The following MTPN variants were observed in gnomAD, a reference collection of about 807,000 sequenced individuals.
MTPN encodes the protein granule cell differentiation protein.
Under a neutral mutation model 13.5 loss-of-function variants are expected in MTPN, and 2 were observed. The observed-to-expected ratio is 0.15, with a 90% CI of 0.06 to 0.47. The LOEUF is 0.47. MTPN is among the 20% of genes least tolerant of loss of function. MTPN has a pLI of 0.97. For synonymous variants in MTPN, 46 were observed against 51.7 expected, an observed-to-expected ratio of 0.89 and a Z score of 0.48; for missense variants, 79 against 137.9, an observed-to-expected ratio of 0.57 and a Z score of 2.14.
intron 3 of MTPN, among the ~76,000 whole-genome samples, chr7:135,947,557 C>G (rs1042880574): frequency 6.6e-6 from 1 of 152,092 alleles, no homozygotes; most frequent in African/African-American, 2.4e-5. Context: ...ACATTTTTCT[C>G]ATTTACCAGC....
chr7:135,927,183 G>T lies in MTPN; in HGVS notation c.*2743C>A. On this transcript the variant is annotated 3_prime_UTR_variant, in exon 4 of 4. Coordinates refer to ENST00000393085, the MANE Select transcript of MTPN (RefSeq NM_145808.4). Reference sequence around the variant, plus strand: ...CATACAGATTTAAAATCCAGTACTTGGGAAAAGATATCAATGAATAAAAGG... The same window carrying T: ...CATACAGATTTAAAATCCAGTACTTTGGAAAAGATATCAATGAATAAAAGG... The T allele has an allele frequency of 1.1e-6, 1 of 948,630 alleles. No individual in the cohort carries two copies. The highest frequency in any genetic ancestry group is 1.5e-6 in the Non-Finnish European group (1 of 667,936). 58.8% of individuals were successfully genotyped at this position (948,630 alleles called of 1,614,324 possible).
At chr7:135,967,548 G>A (rs1799624648) in intron 1 of MTPN, among the ~76,000 whole-genome samples, 1 of 152,120 alleles carries the variant, frequency 6.6e-6, no homozygotes, top group Non-Finnish European at 1.5e-5. Flanking sequence ...CTATGATACT[G>A]GTCAAGGGCT....
intron 1 of MTPN, among the ~76,000 whole-genome samples, chr7:135,957,504 A>C (rs1310262681): frequency 6.7e-6 from 1 of 150,148 alleles, no homozygotes; most frequent in East Asian, 2.0e-4. Flanking sequence ...AAAAAATTGG[A>C]AAGAAAAAAA....
chr7:135,933,806 C>G (rs1272055361), intron 3 of MTPN, among the ~76,000 whole-genome samples: 1 of 152,034 alleles, frequency 6.6e-6, no homozygotes, highest in East Asian at 1.9e-4. Flanking sequence ...ACTATAATTC[C>G]CAATGTTGGA....
intron 2 of MTPN, 83 bp downstream of exon 2, chr7:135,951,434 G>C (rs1457103065): frequency 3.0e-6 from 2 of 673,916 alleles, no homozygotes; most frequent in Non-Finnish European, 4.6e-6. Context: ...TCTACAAATA[G>C]CTATTTTATA....
chr7:135,976,439 T>C (rs1348244608), intron 1 of MTPN, among the ~76,000 whole-genome samples: 2 of 152,196 alleles, frequency 1.3e-5, no homozygotes. Flanking sequence ...AAATATGTAT[T>C]TGTTGTGGTG....
chr7:135,963,350 CTT>C, intron 1 of MTPN, among the ~76,000 whole-genome samples: 1 of 152,044 alleles, frequency 6.6e-6, no homozygotes, highest in Non-Finnish European at 1.5e-5. Flanking sequence ...TAGGATATAA[CTT>C]TGCAAAAAAG....
chr7:135,967,761 T>G (rs1246557468), intron 1 of MTPN, among the ~76,000 whole-genome samples: 1 of 152,146 alleles, frequency 6.6e-6, no homozygotes, highest in Non-Finnish European at 1.5e-5. Flanking sequence ...TTTCACCAAT[T>G]GAAGAAACTC....
intron 1 of MTPN, among the ~76,000 whole-genome samples, chr7:135,974,342 G>A (rs1799741541): frequency 6.6e-6 from 1 of 152,168 alleles, no homozygotes; most frequent in African/African-American, 2.4e-5. Flanking sequence ...CTAGGAGTTT[G>A]AGACCAGCCT....
intron 3 of MTPN, among the ~76,000 whole-genome samples, chr7:135,947,089 C>T (rs1328221336): frequency 6.6e-6 from 1 of 152,108 alleles, no homozygotes; most frequent in African/African-American, 2.4e-5. Flanking sequence ...TTGGTTCTAG[C>T]TTATTTTTTA....
chr7:135,937,185 T>A (rs1465797011), intron 3 of MTPN, among the ~76,000 whole-genome samples: 1 of 152,210 alleles, frequency 6.6e-6, no homozygotes, highest in African/African-American at 2.4e-5. Flanking sequence ...CCTCAGAGGT[T>A]ATCTGACATT....
chr7:135,967,491 C>T (rs1799623383), intron 1 of MTPN, among the ~76,000 whole-genome samples: 1 of 152,170 alleles, frequency 6.6e-6, no homozygotes, highest in African/African-American at 2.4e-5. Flanking sequence ...AACCAACCCT[C>T]ATCCAAGTTC....
chr7:135,955,841 T>TAA (rs34554274), intron 1 of MTPN, among the ~76,000 whole-genome samples: 11,781 of 145,530 alleles, frequency 0.081, 512 homozygotes, highest in Admixed American at 0.11. Context: ...CAATGGATTA[T>TAA]AAAAAAAAAA....
chr7:135,954,931 A>G (rs1799420414), intron 1 of MTPN, among the ~76,000 whole-genome samples: 1 of 152,198 alleles, frequency 6.6e-6, no homozygotes, highest in Admixed American at 6.5e-5. Context: ...TGACAGAGCG[A>G]GACTCCATCT....
intron 3 of MTPN, among the ~76,000 whole-genome samples, chr7:135,931,025 A>C (rs1227388611): frequency 1.3e-5 from 2 of 152,160 alleles, no homozygotes; most frequent in Non-Finnish European, 2.9e-5. Context: ...TCTCTTCTCC[A>C]GTTAACCGCT....
chr7:135,963,259 G>A (rs1799551970), intron 1 of MTPN, among the ~76,000 whole-genome samples: 1 of 151,980 alleles, frequency 6.6e-6, no homozygotes, highest in Non-Finnish European at 1.5e-5. Context: ...TGAGATGAAT[G>A]TTATAATATA....
At chr7:135,956,907 T>G (rs1799450764) in intron 1 of MTPN, among the ~76,000 whole-genome samples, 1 of 152,204 alleles carries the variant, frequency 6.6e-6, no homozygotes, top group Non-Finnish European at 1.5e-5. Flanking sequence ...AAAAGGATTG[T>G]CTGTATTTGC....
At chr7:135,955,085 G>A (rs1251674591) in intron 1 of MTPN, among the ~76,000 whole-genome samples, 2 of 152,050 alleles carry the variant, frequency 1.3e-5, no homozygotes, top group Admixed American at 6.6e-5. Context: ...ACAAAAAGAC[G>A]ATGAGACTGA....
chr7:135,941,881 CTT>C (rs564045963), intron 3 of MTPN, among the ~76,000 whole-genome samples: 40 of 136,116 alleles, frequency 2.9e-4, no homozygotes, highest in African/African-American at 2.2e-4. Flanking sequence ...TGTTATATTA[CTT>C]TTTTTTTTTT....
Sources: allele counts gnomAD v4.1 joint callset (sites outside exome capture counted in the v4.1 genomes callset), GRCh38; gene constraint gnomAD v4.1.1; transcripts MANE v1.5; gene names NCBI Gene and HGNC (gene_info 2026-07-23, HGNC 2026-07-21).